Variants in PLEKHG3 observed in about 807,000 individuals in gnomAD.
The protein encoded by PLEKHG3 is pleckstrin homology and RhoGEF domain containing G3.
In PLEKHG3, 62 loss-of-function variants were observed where a neutral mutation model predicts 94.9. The ratio of observed to expected loss-of-function variants is 0.65; its 90% CI spans 0.53 to 0.81. The LOEUF (loss-of-function observed/expected upper bound fraction) is 0.81. Ranked by LOEUF, PLEKHG3 falls within the 30% of genes least tolerant of loss-of-function variation. PLEKHG3 has a pLI of 0.00. For missense variants in PLEKHG3, 1,461 were observed against 1,619.3 expected (o/e 0.90, Z 1.68); for synonymous variants, 614 against 654.0 (o/e 0.94, Z 0.93).
rs1221068382 is a variant in PLEKHG3, at chr14:64,749,302, C to T, written c.*5599C>T. The T allele has an allele frequency of 1.0e-5, 16 of 1,596,744 alleles. No homozygotes were observed. Among genetic ancestry groups the T allele is most frequent in the Non-Finnish European group, 1.3e-5 (15 of 1,173,838 alleles). On this transcript the variant is annotated 3_prime_UTR_variant, in exon 17 of 17. Coordinates refer to ENST00000247226, the MANE Select transcript of PLEKHG3 (RefSeq NM_001308147.2). The surrounding 1 kb of genome is among the most constrained non-coding windows in gnomAD (Gnocchi z 4.7). ...GACTCCGCCGCGCCCGCCAGCCCCA[C>T]CTGCTACTTCTTTTTGGGGAAGAAG...
chr14:64,749,542 T>C lies in PLEKHG3; in HGVS notation c.*5839T>C, dbSNP rs2081909715. ...CCCCACCTCCCGGGCCAGGCAACAA[T>C]GGTGGGGGCTCTTGGGACTGCCCCT... On this transcript the variant is annotated 3_prime_UTR_variant, in exon 17 of 17. Transcript: ENST00000247226. The surrounding 1 kb of genome is among the most constrained non-coding windows in gnomAD (Gnocchi z 4.7). The C allele has an allele frequency of 1.9e-5, 31 of 1,600,814 alleles. No individual in the cohort carries two copies. The South Asian group carries it at 3.4e-4, about 18-fold the overall frequency.
In PLEKHG3 at chr14:64,730,289, G is replaced by A; in HGVS notation, c.496G>A (p.Val166Met). The A allele has an allele frequency of 6.5e-7, 1 of 1,535,128 alleles. No homozygotes were observed. Among genetic ancestry groups the A allele is most frequent in the Non-Finnish European group, 8.7e-7 (1 of 1,145,966 alleles). Residue 166 changes from valine (V) to methionine (M), a missense_variant, in exon 4 of 17, where the codon GTG becomes ATG. This residue lies in a region of PLEKHG3 where 253 missense variants were observed against 297.8 expected (regional missense o/e 0.85). Coordinates refer to ENST00000247226, the MANE Select transcript of PLEKHG3 (RefSeq NM_001308147.2). The surrounding 1 kb of genome is among the most constrained non-coding windows in gnomAD (Gnocchi z 5.4). ...CAGCTGCAATAGTGACCCCGTGGCT[G>A]TGGCCAGCTGCTTTGTGGAAAGGGT... ...LDSCNSDPVA[V>M]ASCFVERSQE...
In PLEKHG3 at chr14:64,715,983, G is replaced by A; in HGVS notation, c.-40+11279G>A. The A allele has an allele frequency of 2.2e-6, 1 of 453,688 alleles. No homozygotes were observed. Among genetic ancestry groups the A allele is most frequent in the Non-Finnish European group, 4.4e-6 (1 of 226,194 alleles). 28.1% of individuals were successfully genotyped at this position (453,688 alleles called of 1,614,324 possible). A position where few individuals can be genotyped will look rare whatever the true frequency, so the allele number is the denominator to read the frequency against. On this transcript the variant is annotated intron_variant, in intron 1 of 16. Transcript: ENST00000247226. The surrounding 1 kb of genome is among the most constrained non-coding windows in gnomAD (Gnocchi z 4.4). ...CCGAGGCTGTTGGTGGCAGCTCGCT[G>A]CTCACCCCAAGCCTGTTAACTGCTA...
chr14:64,749,346 T>C lies in PLEKHG3; in HGVS notation c.*5643T>C, dbSNP rs768065442. 1.6e-5 allele frequency: 25 copies of C among 1,610,252 alleles called. No individual in the cohort carries two copies. The East Asian group carries it at 4.9e-4, about 32-fold the overall frequency. On this transcript the variant is annotated 3_prime_UTR_variant, in exon 17 of 17. Coordinates refer to ENST00000247226, the MANE Select transcript of PLEKHG3 (RefSeq NM_001308147.2). The surrounding 1 kb of genome is among the most constrained non-coding windows in gnomAD (Gnocchi z 4.7). ...GAAGAAGCTGAATCTCTTCTCCTTG[T>C]CTTTCTTGCCGAGGCTGGCGTCGGG...
In PLEKHG3 at chr14:64,742,226, G is replaced by C; in HGVS notation, c.2709G>C (p.Leu903=). Residue 903 remains leucine (L), a synonymous_variant, in exon 16 of 17, where the codon CTG becomes CTC. Transcript: ENST00000247226. The stretch of plus-strand genomic sequence containing the variant: ...CCCAGGGGGAGCTGGTGGCCCCACT[G>C]CACCCCCGCATCGTGCAGCTCTCCC... ...SSTQGELVAP[L]HPRIVQLSHV... is the part of the protein sequence containing the mutation. 6.2e-7 allele frequency: 1 copy of C among 1,612,974 alleles called. No homozygotes were observed. Among genetic ancestry groups the C allele is most frequent in the African/African-American group, 1.3e-5 (1 of 75,066 alleles).
chr14:64,715,614 T>G lies in PLEKHG3; in HGVS notation c.-40+10910T>G. 2 of 161,462 alleles carry G rather than the reference T, an allele frequency of 1.2e-5. No homozygotes were observed. Among genetic ancestry groups the G allele is most frequent in the Middle Eastern group, 3.1e-3 (1 of 326 alleles). The allele number at this position is 161,462 out of a possible 1,614,324, so 10.0% of individuals were successfully genotyped here. On this transcript the variant is annotated intron_variant, in intron 1 of 16. Coordinates refer to ENST00000247226, the MANE Select transcript of PLEKHG3 (RefSeq NM_001308147.2). The surrounding 1 kb of genome is among the most constrained non-coding windows in gnomAD (Gnocchi z 4.4). Reference sequence around the variant, plus strand: ...ATCCTTCAGCCTCGAGGGCCTGGGGTGGGGGAGGTGCTGCATAAACAGAGC... The same window carrying G: ...ATCCTTCAGCCTCGAGGGCCTGGGGGGGGGGAGGTGCTGCATAAACAGAGC...
rs536091952 is a variant in PLEKHG3, at chr14:64,739,948, A to G, written c.1519-1088A>G. Among the ~76,000 whole-genome samples, 1 of 152,338 alleles carries G rather than the reference A, an allele frequency of 6.6e-6. No homozygotes were observed. Among genetic ancestry groups the G allele is most frequent in the South Asian group, 2.1e-4 (1 of 4,832 alleles). ...AATTGGGGTGTCAAATAATAATACAATGAGAACCACCCATTACAAAGTTTA... is the reference window on the plus strand; with the variant it reads ...AATTGGGGTGTCAAATAATAATACAGTGAGAACCACCCATTACAAAGTTTA... On this transcript the variant is annotated intron_variant, in intron 15 of 16. Transcript: ENST00000247226. The surrounding 1 kb of genome is among the most constrained non-coding windows in gnomAD (Gnocchi z 4.1).
intron 13 of PLEKHG3, chr14:64,737,129 G>C: frequency 1.6e-6 from 1 of 643,764 alleles, no homozygotes; most frequent in Non-Finnish European, 2.8e-6. Context: ...AATGAGAGCC[G>C]AGCAACAGGC....
In PLEKHG3 at chr14:64,738,949, C is replaced by T; in HGVS notation, c.1518+94C>T. The T allele has an allele frequency of 3.9e-6, 3 of 770,684 alleles. No homozygotes were observed. The highest frequency in any genetic ancestry group is 6.7e-6 in the Non-Finnish European group (3 of 444,922). 47.7% of individuals were successfully genotyped at this position (770,684 alleles called of 1,614,324 possible). ...TAGGGCTTTCAGGCACAGGCTCTCC[C>T]ACTGGGCCCATGGGAACAGAGATTC... On this transcript the variant is annotated intron_variant, in intron 15 of 16. Transcript: ENST00000247226. The surrounding 1 kb of genome is among the most constrained non-coding windows in gnomAD (Gnocchi z 4.8).
rs574995596 is a variant in PLEKHG3 at position 64,749,520 on chromosome 14, C to A, written c.*5817C>A. The A allele has an allele frequency of 8.1e-6, 13 of 1,597,672 alleles. 1 individual carries two copies. The Admixed American group carries it at 1.3e-4, about 16-fold the overall frequency. On this transcript the variant is annotated 3_prime_UTR_variant, in exon 17 of 17. Transcript: ENST00000247226. This position sits in a 1 kb window ranked among gnomAD's most constrained non-coding sequence, Gnocchi z 4.7. ...TGGAGTCTGGAGGCCCACAGCCCCC[C>A]ACCTCCCGGGCCAGGCAACAATGGT... is the stretch of plus-strand genomic sequence containing the variant.
chr14:64,737,959 A>G, intron 14 of PLEKHG3: 1 of 1,234,240 alleles, frequency 8.1e-7, no homozygotes, highest in Non-Finnish European at 1.0e-6. Context: ...GAGGAGGAAG[A>G]GGAAGAGGAG....
Position 64,716,451 on chromosome 14 carries a change from CACACACACACACACA to C in PLEKHG3, c.-39-11096_-39-11082del, listed in dbSNP as rs1210779472. 2.1e-4 allele frequency among the ~76,000 whole-genome samples: 28 copies of C among 132,670 alleles called. 1 individual carries two copies. Among genetic ancestry groups the C allele is most frequent in the East Asian group, 7.5e-4 (3 of 4,016 alleles). 87.0% of individuals were successfully genotyped at this position (132,670 alleles called of 152,430 possible). On this transcript the variant is annotated intron_variant, in intron 1 of 16. Transcript: ENST00000247226. This position sits in a 1 kb window ranked among gnomAD's most constrained non-coding sequence, Gnocchi z 5.0. ...GTAGGGCCCTACACACACACACACA[CACACACACACACACA>C]ACACACACACACACAACACACACAC...
chr14:64,707,896 T>TA (rs1473478531), intron 1 of PLEKHG3, among the ~76,000 whole-genome samples: 3 of 152,238 alleles, frequency 2.0e-5, no homozygotes, highest in Non-Finnish European at 4.4e-5. Context: ...TCATCATACT[T>TA]ACCACATGCG....
chr14:64,743,718 G>GC lies in PLEKHG3; in HGVS notation c.*15_*16insC. On this transcript the variant is annotated 3_prime_UTR_variant, in exon 17 of 17. Transcript: ENST00000247226. This position sits in a 1 kb window ranked among gnomAD's most constrained non-coding sequence, Gnocchi z 7.2. ...CTGTCGGTTGATGCTGACTCCTGGGGGAGGGAGGAGTCATGTTGGAGGTTG... is the reference window on the plus strand; with the variant it reads ...CTGTCGGTTGATGCTGACTCCTGGGGCGAGGGAGGAGTCATGTTGGAGGTTG... The GC allele has an allele frequency of 6.6e-7, 1 of 1,520,856 alleles. No homozygotes were observed. Among genetic ancestry groups the GC allele is most frequent in the Non-Finnish European group, 8.8e-7 (1 of 1,138,490 alleles). The allele number at this position is 1,520,856 out of a possible 1,614,324, so 94.2% of individuals were successfully genotyped here.
chr14:64,730,730 A>G lies in PLEKHG3; in HGVS notation c.566+42A>G. On this transcript the variant is annotated intron_variant, in intron 5 of 16. Transcript: ENST00000247226. This position sits in a 1 kb window ranked among gnomAD's most constrained non-coding sequence, Gnocchi z 5.4. Reference sequence around the variant, plus strand: ...AGAGGGAAGGCAGAGCCATTTGGTGAGTCCAGAGCCCCCCACTTCCTCATC... The same window carrying G: ...AGAGGGAAGGCAGAGCCATTTGGTGGGTCCAGAGCCCCCCACTTCCTCATC... 6.2e-7 allele frequency: 1 copy of G among 1,611,934 alleles called. No individual in the cohort carries two copies. Among genetic ancestry groups the G allele is most frequent in the East Asian group, 2.2e-5 (1 of 44,840 alleles).
rs968174423 is a variant in PLEKHG3 at position 64,732,014 on chromosome 14, T to C, written c.1126-81T>C. 4 of 1,100,194 alleles carry C rather than the reference T, an allele frequency of 3.6e-6. No individual in the cohort carries two copies. In the African/African-American group the frequency reaches 6.2e-5, roughly 17 times the overall value. The allele number at this position is 1,100,194 out of a possible 1,614,324, so 68.2% of individuals were successfully genotyped here. A position where few individuals can be genotyped will look rare whatever the true frequency, so the allele number is the denominator to read the frequency against. On this transcript the variant is annotated intron_variant, in intron 9 of 16. Coordinates refer to ENST00000247226, the MANE Select transcript of PLEKHG3 (RefSeq NM_001308147.2). This position sits in a 1 kb window ranked among gnomAD's most constrained non-coding sequence, Gnocchi z 4.9. ...CCAGCATGGCCCCACTTTTTCTCCCTGGGTGGAAGCACTGTCCATGCTAGA... is the reference window on the plus strand; with the variant it reads ...CCAGCATGGCCCCACTTTTTCTCCCCGGGTGGAAGCACTGTCCATGCTAGA...
rs1594689892 is a variant in PLEKHG3 at position 64,730,199 on chromosome 14, C to T, written c.450-44C>T. The T allele has an allele frequency of 1.8e-6, 2 of 1,108,054 alleles. No individual in the cohort carries two copies. Among genetic ancestry groups the T allele is most frequent in the East Asian group, 2.6e-5 (1 of 38,938 alleles). 68.6% of individuals were successfully genotyped at this position (1,108,054 alleles called of 1,614,324 possible). ...GGGAGGGGGCAGTGAGGGGCATTGT[C>T]CTCTGACTGCAGAGGGTACAGTGGC... On this transcript the variant is annotated intron_variant, in intron 3 of 16. Transcript: ENST00000247226. The surrounding 1 kb of genome is among the most constrained non-coding windows in gnomAD (Gnocchi z 5.4).
Position 64,745,874 on chromosome 14 carries a change from T to C in PLEKHG3, c.*2171T>C, listed in dbSNP as rs2081826746. On this transcript the variant is annotated 3_prime_UTR_variant, in exon 17 of 17. Transcript: ENST00000247226. This position sits in a 1 kb window ranked among gnomAD's most constrained non-coding sequence, Gnocchi z 5.0. ...GTCGGTGGTTCTCACTGGCTGCCCA[T>C]TGGAATTATCTGGGGAGCCTTCTGG... The C allele has an allele frequency of 6.6e-6, 1 of 152,128 alleles. No individual in the cohort carries two copies. Among genetic ancestry groups the C allele is most frequent in the East Asian group, 1.9e-4 (1 of 5,192 alleles). 9.4% of individuals were successfully genotyped at this position (152,128 alleles called of 1,614,324 possible).
rs1017479436 is a variant in PLEKHG3 at position 64,716,705 on chromosome 14, C to T, written c.-39-10888C>T. Among the ~76,000 whole-genome samples the T allele has an allele frequency of 3.9e-5, 6 of 152,140 alleles. No homozygotes were observed. The highest frequency in any genetic ancestry group is 2.1e-4 in the South Asian group (1 of 4,828). ...CTCCTCCCTGGTGGGCAGCGGACCC[C>T]GACCCTGGCACCCACCACTTCATAG... is the stretch of plus-strand genomic sequence containing the variant. On this transcript the variant is annotated intron_variant, in intron 1 of 16. Coordinates refer to ENST00000247226, the MANE Select transcript of PLEKHG3 (RefSeq NM_001308147.2). The surrounding 1 kb of genome is among the most constrained non-coding windows in gnomAD (Gnocchi z 5.0).
Sources: gnomAD v4.1 joint callset for allele counts (sites outside exome capture counted in the v4.1 genomes callset) on GRCh38, gnomAD v4.1.1 for gene constraint, gnomAD v4.1.1 regional missense constraint, Gnocchi (gnomAD v3.1) non-coding constraint, MANE v1.5 for transcripts, NCBI Gene and HGNC (gene_info 2026-07-23, HGNC 2026-07-21) for gene names.